The following ARHGAP42 variants were observed in gnomAD, a reference collection of about 807,000 sequenced individuals.
ARHGAP42 encodes Rho GTPase activating protein 42, also known as rho GTPase-activating protein 42.
ARHGAP42 carries 63 observed loss-of-function variants against 125.0 expected under a neutral mutation model. The observed-to-expected ratio is 0.50, with a 90% CI of 0.41 to 0.62. The LOEUF is 0.62. Ranked by LOEUF, ARHGAP42 falls within the 20% of genes least tolerant of loss-of-function variation. The probability of loss-of-function intolerance (pLI) is 0.00; values close to 1 mark genes in which losing one functional copy is unlikely to be tolerated. For synonymous variants in ARHGAP42, 339 were observed against 351.0 expected (o/e 0.97, Z 0.38); for missense variants, 766 against 1,024.2 (o/e 0.75, Z 3.44).
At chr11:100,862,505 C>G (rs541153355) in intron 4 of ARHGAP42, among the ~76,000 whole-genome samples, 2 of 152,280 alleles carry the variant, frequency 1.3e-5, no homozygotes, top group African/African-American at 4.8e-5. Context: ...GTAAACATCT[C>G]AATTGCAGAA....
intron 3 of ARHGAP42, among the ~76,000 whole-genome samples, chr11:100,808,263 C>A (rs1864046327): frequency 6.6e-6 from 1 of 152,094 alleles, no homozygotes; most frequent in Non-Finnish European, 1.5e-5. Context: ...CTGATTAAAC[C>A]ATAGAGTATA....
At chr11:100,691,615 AG>A (rs1306698037) in intron 1 of ARHGAP42, among the ~76,000 whole-genome samples, 26 of 152,300 alleles carry the variant, frequency 1.7e-4, no homozygotes, top group African/African-American at 6.3e-4. Flanking sequence ...TCCCAGGCTC[AG>A]GTGATCCTCC....
chr11:100,882,219 G>A (rs1865979444), intron 4 of ARHGAP42, among the ~76,000 whole-genome samples: 1 of 152,176 alleles, frequency 6.6e-6, no homozygotes, highest in Admixed American at 6.5e-5. Flanking sequence ...GTATTATGGT[G>A]GCTGTGGGTT....
chr11:100,969,451 T>C (rs1310824676), intron 17 of ARHGAP42, among the ~76,000 whole-genome samples: 1 of 152,150 alleles, frequency 6.6e-6, no homozygotes, highest in Non-Finnish European at 1.5e-5. Flanking sequence ...TTTTTTCTAC[T>C]TCTCTCTTTC....
chr11:100,752,619 T>A (rs1862485603), intron 1 of ARHGAP42, among the ~76,000 whole-genome samples: 1 of 152,202 alleles, frequency 6.6e-6, no homozygotes, highest in Non-Finnish European at 1.5e-5. Context: ...CTGCAAGGAA[T>A]CCAGTGATGT....
chr11:100,783,480 G>A (rs1163112864), intron 2 of ARHGAP42, among the ~76,000 whole-genome samples: 3 of 152,158 alleles, frequency 2.0e-5, no homozygotes, highest in African/African-American at 7.2e-5. Flanking sequence ...TGTGGTATAT[G>A]CAGAAGAAGG....
intron 2 of ARHGAP42, 60 bp downstream of exon 2, chr11:100,770,498 G>A: frequency 9.0e-7 from 1 of 1,107,062 alleles, no homozygotes; most frequent in South Asian, 1.6e-5. Context: ...AAATCAAATA[G>A]ACACACACCT....
chr11:100,704,801 C>T (rs1344801907), intron 1 of ARHGAP42, among the ~76,000 whole-genome samples: 2 of 151,064 alleles, frequency 1.3e-5, no homozygotes, highest in Non-Finnish European at 3.0e-5. Context: ...CCGCCGCCCA[C>T]TCCTTGTCTC....
At chr11:100,756,151 TAA>T (rs1354950103) in intron 1 of ARHGAP42, among the ~76,000 whole-genome samples, 1 of 130,450 alleles carries the variant, frequency 7.7e-6, no homozygotes, top group African/African-American at 3.0e-5. Context: ...TTTGGGAGGC[TAA>T]GACAGGAGGA....
chr11:100,777,918 C>T (rs959169255), intron 2 of ARHGAP42, among the ~76,000 whole-genome samples: 4 of 152,040 alleles, frequency 2.6e-5, no homozygotes, highest in Non-Finnish European at 5.9e-5. Context: ...TGTGATAGTT[C>T]ACACCTATAA....
Position 100,687,463 on chromosome 11 carries a change from C to T in ARHGAP42, c.-216C>T, listed in dbSNP as rs1861101849. On this transcript the variant is annotated 5_prime_UTR_variant, in exon 1 of 24. Transcript: ENST00000298815. ...GGGGACTCGCGCCTCGGCCCGCCGC[C>T]CGCGCCTGCGCTCGCCTAGCCTCGG... Among the ~76,000 whole-genome samples, 1 of 151,936 alleles carries T rather than the reference C, an allele frequency of 6.6e-6. No individual in the cohort carries two copies. The highest frequency in any genetic ancestry group is 1.5e-5 in the Non-Finnish European group (1 of 67,942).
intron 6 of ARHGAP42, among the ~76,000 whole-genome samples, chr11:100,932,552 T>C (rs565620509): frequency 6.6e-6 from 1 of 152,326 alleles, no homozygotes; most frequent in African/African-American, 2.4e-5. Flanking sequence ...ATTATGACTT[T>C]GTAAAGATTT....
At chr11:100,847,937 G>A (rs767948031) in intron 3 of ARHGAP42, among the ~76,000 whole-genome samples, 1 of 152,124 alleles carries the variant, frequency 6.6e-6, no homozygotes, top group Non-Finnish European at 1.5e-5. Flanking sequence ...TGCATTAGTC[G>A]ACCCATGGAT....
In ARHGAP42 at chr11:100,806,821, ATTTG is replaced by A. The variant is rs1186533000; in HGVS notation, c.312+11671_312+11674del. Among the ~76,000 whole-genome samples, 1,348 of 141,800 alleles carry A rather than the reference ATTTG, an allele frequency of 9.5e-3. 6 individuals carry two copies. The highest frequency in any genetic ancestry group is 0.011 in the Non-Finnish European group (730 of 64,922). The allele number at this position is 141,800 out of a possible 152,430, so 93.0% of individuals were successfully genotyped here. On this transcript the variant is annotated intron_variant, in intron 3 of 23. Coordinates refer to ENST00000298815, the MANE Select transcript of ARHGAP42 (RefSeq NM_152432.4). ...CATAAAATTCATTTTTAAATTTTTT[ATTTG>A]TTTGTTTGTTTGTTTATTTATTTAT... is the stretch of plus-strand genomic sequence containing the variant.
chr11:100,942,101 C>T (rs374487570), intron 9 of ARHGAP42, among the ~76,000 whole-genome samples: 1 of 152,046 alleles, frequency 6.6e-6, no homozygotes, highest in Non-Finnish European at 1.5e-5. Flanking sequence ...TATAAGCAGT[C>T]GAGTTAAATG....
At chr11:100,971,876 G>A (rs1222298625) in intron 17 of ARHGAP42, among the ~76,000 whole-genome samples, 1 of 152,114 alleles carries the variant, frequency 6.6e-6, no homozygotes, top group Non-Finnish European at 1.5e-5. Flanking sequence ...ACATAAATGA[G>A]CTTACCCAAC....
chr11:100,928,459 C>T (rs954126172), intron 6 of ARHGAP42, among the ~76,000 whole-genome samples: 4 of 151,820 alleles, frequency 2.6e-5, no homozygotes, highest in Non-Finnish European at 4.4e-5. Context: ...TGGTGTCATG[C>T]GCCTGTAGTC....
intron 3 of ARHGAP42, among the ~76,000 whole-genome samples, chr11:100,809,406 T>C (rs915534663): frequency 5.9e-5 from 9 of 152,202 alleles, no homozygotes; most frequent in Admixed American, 6.5e-5. Context: ...AAAGGAATTA[T>C]TATGAGTTAG....
chr11:100,795,351 A>T (rs909073360), intron 3 of ARHGAP42, among the ~76,000 whole-genome samples, 185 bp downstream of exon 3: 4 of 152,054 alleles, frequency 2.6e-5, no homozygotes, highest in African/African-American at 9.7e-5. Context: ...AAGATATACC[A>T]TTTTTTTCTA....
Sources: gnomAD v4.1 joint callset for allele counts (sites outside exome capture counted in the v4.1 genomes callset) on GRCh38, gnomAD v4.1.1 for gene constraint, MANE v1.5 for transcripts, NCBI Gene and HGNC (gene_info 2026-07-23, HGNC 2026-07-21) for gene names.